Variants in SLC24A4 observed in about 807,000 individuals in gnomAD.
The protein encoded by SLC24A4 is sodium/potassium/calcium exchanger 4.
Under a neutral mutation model 79.0 loss-of-function variants are expected in SLC24A4, and 53 were observed. The observed-to-expected ratio is 0.67, with a 90% CI of 0.54 to 0.84. The LOEUF is 0.84. Ranked by LOEUF, SLC24A4 falls within the 40% of genes least tolerant of loss-of-function variation. The pLI, the probability that SLC24A4 is intolerant of heterozygous loss-of-function variation, is 0.00. For missense variants in SLC24A4, 731 were observed against 822.0 expected (o/e 0.89, Z 1.35); for synonymous variants, 323 against 323.8 (o/e 1.00, Z 0.03).
chr14:92,326,091 A>G, intron 2 of SLC24A4, 113 bp downstream of exon 2: 1 of 658,538 alleles, frequency 1.5e-6, no homozygotes, highest in South Asian at 2.0e-5. Context: ...TATGGACTTG[A>G]GTGGGAAAGG....
At chr14:92,406,003 G>A (rs144096855) in intron 2 of SLC24A4, among the ~76,000 whole-genome samples, 3 of 152,182 alleles carry the variant, frequency 2.0e-5, no homozygotes, top group Non-Finnish European at 4.4e-5. Context: ...CTATGAGCCT[G>A]TAAAATAAAA....
chr14:92,478,648 G>GGTTTT (rs528151511), intron 12 of SLC24A4, among the ~76,000 whole-genome samples: 1 of 120,378 alleles, frequency 8.3e-6, no homozygotes, highest in Non-Finnish European at 1.8e-5. Context: ...TCCCAGCTTT[G>GGTTTT]TTTTGTTTTT....
chr14:92,439,377 T>G lies in SLC24A4; in HGVS notation c.361T>G (p.Phe121Val). The G allele has an allele frequency of 6.2e-7, 1 of 1,613,176 alleles. No homozygotes were observed. Among genetic ancestry groups the G allele is most frequent in the Non-Finnish European group, 8.5e-7 (1 of 1,179,200 alleles). Reference sequence around the variant, plus strand: ...TGCCTTGGCCATAGTGTGCGATGACTTCTTTGTTCCGTCTCTAGAGAAGAT... The same window carrying G: ...TGCCTTGGCCATAGTGTGCGATGACGTCTTTGTTCCGTCTCTAGAGAAGAT... Reference protein sequence around the residue: ...FYALAIVCDDFFVPSLEKICE... With the variant: ...FYALAIVCDDVFVPSLEKICE... Residue 121 changes from phenylalanine (F) to valine (V), a missense_variant, in exon 4 of 17, where the codon TTC becomes GTC. Transcript: ENST00000532405.
chr14:92,449,041 T>C, intron 9 of SLC24A4, 33 bp from the exon 10 acceptor site: 1 of 1,612,030 alleles, frequency 6.2e-7, no homozygotes, highest in Non-Finnish European at 8.5e-7. Context: ...CTCCTTTCCA[T>C]TGCCCTGACC....
intron 2 of SLC24A4, among the ~76,000 whole-genome samples, chr14:92,388,740 G>A: frequency 6.6e-6 from 1 of 152,210 alleles, no homozygotes; most frequent in East Asian, 1.9e-4. Flanking sequence ...TCTAGGTCAT[G>A]ACCGCAGGAC....
chr14:92,457,300 T>TGCCCC (rs1893535974), intron 12 of SLC24A4: 1 of 9,204 alleles, frequency 1.1e-4, no homozygotes. Flanking sequence ...CTGTCATTCC[T>TGCCCC]AGAACTGCGC....
At chr14:92,388,768 AG>A (rs1435346505) in intron 2 of SLC24A4, among the ~76,000 whole-genome samples, 1 of 152,114 alleles carries the variant, frequency 6.6e-6, no homozygotes, top group Non-Finnish European at 1.5e-5. Flanking sequence ...ATCAACCCTG[AG>A]GGATGTTGAG....
chr14:92,391,999 C>A (rs887582667), intron 2 of SLC24A4, among the ~76,000 whole-genome samples: 5 of 152,312 alleles, frequency 3.3e-5, no homozygotes, highest in Admixed American at 2.0e-4. Context: ...CTCCTCCCCC[C>A]ACCACTTCCC....
intron 2 of SLC24A4, among the ~76,000 whole-genome samples, chr14:92,359,403 A>G (rs1013300747): frequency 1.4e-4 from 22 of 152,120 alleles, no homozygotes; most frequent in African/African-American, 5.1e-4. Flanking sequence ...GTGAAACCCT[A>G]TCTCTACTAA....
chr14:92,366,197 G>T (rs1187882320), intron 2 of SLC24A4, among the ~76,000 whole-genome samples: 2 of 152,192 alleles, frequency 1.3e-5, no homozygotes, highest in African/African-American at 2.4e-5. Flanking sequence ...TGGACACCCT[G>T]GCCCTTCCCC....
In SLC24A4 at chr14:92,353,817, C is replaced by T. The variant is rs1176754228; in HGVS notation, c.241+27839C>T. 6.6e-6 allele frequency among the ~76,000 whole-genome samples: 1 copy of T among 152,196 alleles called. No individual in the cohort carries two copies. Among genetic ancestry groups the T allele is most frequent in the Non-Finnish European group, 1.5e-5 (1 of 68,040 alleles). ...GGCCAGGGGAGGCATCTTGAGTGTT[C>T]AGTTCCCTGAAGCAGCTGTAAACCT... On this transcript the variant is annotated intron_variant, in intron 2 of 16. Coordinates refer to ENST00000532405, the MANE Select transcript of SLC24A4 (RefSeq NM_153646.4). This position sits in a 1 kb window ranked among gnomAD's most constrained non-coding sequence, Gnocchi z 4.1.
chr14:92,422,891 G>A lies in SLC24A4; in HGVS notation c.242-11021G>A, dbSNP rs1034204513. On this transcript the variant is annotated intron_variant, in intron 2 of 16. Transcript: ENST00000532405. ...TGCATTGGTGCCATCACTGCTCACT[G>A]CAGCCTTGACTTCCTGGGCTCAAGT... is the stretch of plus-strand genomic sequence containing the variant. 3.3e-5 allele frequency among the ~76,000 whole-genome samples: 5 copies of A among 152,160 alleles called. No homozygotes were observed. In the East Asian group the frequency reaches 7.7e-4, roughly 23 times the overall value.
intron 2 of SLC24A4, among the ~76,000 whole-genome samples, chr14:92,414,237 TCTAC>T (rs1376470843): frequency 3.9e-5 from 6 of 152,116 alleles, no homozygotes; most frequent in Admixed American, 1.3e-4. Context: ...CATCTCTGGC[TCTAC>T]CCACTAAATG....
chr14:92,363,966 T>A (rs1352740270), intron 2 of SLC24A4, among the ~76,000 whole-genome samples: 1 of 152,186 alleles, frequency 6.6e-6, no homozygotes, highest in East Asian at 1.9e-4. Context: ...CAATGCCTCC[T>A]GACTGTGGCA....
intron 2 of SLC24A4, among the ~76,000 whole-genome samples, chr14:92,360,418 T>A (rs1887442257): frequency 6.6e-6 from 1 of 152,232 alleles, no homozygotes; most frequent in South Asian, 2.1e-4. Context: ...TTTTCTCTAC[T>A]CAGCACTATT....
intron 2 of SLC24A4, among the ~76,000 whole-genome samples, chr14:92,350,623 C>T (rs956662207): frequency 6.6e-6 from 1 of 152,148 alleles, no homozygotes; most frequent in Non-Finnish European, 1.5e-5. Flanking sequence ...TGATTTAATC[C>T]ATGAGAGTCC....
At chr14:92,414,381 C>T (rs1205881824) in intron 2 of SLC24A4, among the ~76,000 whole-genome samples, 1 of 152,164 alleles carries the variant, frequency 6.6e-6, no homozygotes, top group Non-Finnish European at 1.5e-5. Context: ...CTCACACTAC[C>T]TGTGGTGAAA....
intron 12 of SLC24A4, among the ~76,000 whole-genome samples, chr14:92,481,085 CA>C (rs1450844680): frequency 6.6e-6 from 1 of 152,224 alleles, no homozygotes; most frequent in Non-Finnish European, 1.5e-5. Flanking sequence ...CTCCAACACT[CA>C]GGCGGGTAGT....
In SLC24A4 at chr14:92,398,214, A is replaced by AT. The variant is rs1566739037; in HGVS notation, c.242-35696dup. Among the ~76,000 whole-genome samples, 1 of 152,182 alleles carries AT rather than the reference A, an allele frequency of 6.6e-6. No individual in the cohort carries two copies. On this transcript the variant is annotated intron_variant, in intron 2 of 16. Coordinates refer to ENST00000532405, the MANE Select transcript of SLC24A4 (RefSeq NM_153646.4). The surrounding 1 kb of genome is among the most constrained non-coding windows in gnomAD (Gnocchi z 4.1). The stretch of plus-strand genomic sequence containing the variant: ...TGAAACATGCCCTCATGGTTGGTAA[A>AT]TTGGTAGTCAGAAGCCATTTAGCAA...
Sources: allele counts gnomAD v4.1 joint callset (sites outside exome capture counted in the v4.1 genomes callset), GRCh38; gene constraint gnomAD v4.1.1; non-coding constraint Gnocchi (gnomAD v3.1); transcripts MANE v1.5; gene names NCBI Gene and HGNC (gene_info 2026-07-23, HGNC 2026-07-21).